Variants in NRXN1 observed in about 807,000 individuals in gnomAD.
NRXN1 encodes the protein neurexin-1.
NRXN1 carries 39 observed loss-of-function variants against 150.9 expected under a neutral mutation model. That is an observed-to-expected ratio of 0.26 (90% CI 0.20 to 0.34). The LOEUF (loss-of-function observed/expected upper bound fraction) is 0.34, where lower values mean the gene tolerates loss of function less well. Ranked by LOEUF, NRXN1 falls within the 10% of genes least tolerant of loss-of-function variation. The pLI is 1.00. For missense variants in NRXN1, 1,815 were observed against 1,949.9 expected, an observed-to-expected ratio of 0.93 and a Z score of 1.30; for synonymous variants, 924 against 757.0, an observed-to-expected ratio of 1.22 and a Z score of -3.62.
chr2:50,486,093 A>G (rs975378342), intron 15 of NRXN1, among the ~76,000 whole-genome samples: 2 of 152,194 alleles, frequency 1.3e-5, no homozygotes, highest in Non-Finnish European at 2.9e-5. Context: ...CGTGGTACAA[A>G]ACCTTAACAC....
At chr2:50,305,057 T>C (rs1014093919) in intron 17 of NRXN1, among the ~76,000 whole-genome samples, 1 of 152,078 alleles carries the variant, frequency 6.6e-6, no homozygotes, top group Non-Finnish European at 1.5e-5. Context: ...TCCACTGCAC[T>C]CCAGCCTGGG....
intron 10 of NRXN1, among the ~76,000 whole-genome samples, chr2:50,533,251 A>G (rs962862019): frequency 1.3e-5 from 2 of 152,126 alleles, no homozygotes; most frequent in African/African-American, 4.8e-5. Flanking sequence ...TCTAATATTT[A>G]TTAAGCGTTC....
chr2:50,861,969 A>C (rs773237346), intron 5 of NRXN1, among the ~76,000 whole-genome samples: 1 of 152,006 alleles, frequency 6.6e-6, no homozygotes, highest in Non-Finnish European at 1.5e-5. Flanking sequence ...TGGGAGGCTG[A>C]GGTGGGCAGA....
chr2:50,538,138 A>G (rs2093307078), intron 10 of NRXN1, 115 bp downstream of exon 10: 1 of 1,198,936 alleles, frequency 8.3e-7, no homozygotes, highest in Non-Finnish European at 1.1e-6. Context: ...GCTTGCAAAC[A>G]GAGTTTACTT....
chr2:49,936,530 T>G (rs1671059276), intron 22 of NRXN1, among the ~76,000 whole-genome samples: 1 of 152,152 alleles, frequency 6.6e-6, no homozygotes, highest in Admixed American at 6.5e-5. Flanking sequence ...TCTCCCCATT[T>G]TACAGACTAG....
chr2:50,142,766 C>T (rs79749955), intron 18 of NRXN1, among the ~76,000 whole-genome samples: 3,753 of 151,618 alleles, frequency 0.025, 148 homozygotes, highest in African/African-American at 0.086. Flanking sequence ...ATATTAAAAA[C>T]TGGAAATAAT....
At chr2:50,069,151 T>A (rs1558809048) in intron 19 of NRXN1, among the ~76,000 whole-genome samples, 1 of 152,218 alleles carries the variant, frequency 6.6e-6, no homozygotes, top group Non-Finnish European at 1.5e-5. Flanking sequence ...TGGATAGCAA[T>A]GAAGTCTTAA....
intron 17 of NRXN1, among the ~76,000 whole-genome samples, chr2:50,286,162 T>C (rs1264745051): frequency 6.6e-6 from 1 of 152,154 alleles, no homozygotes; most frequent in East Asian, 1.9e-4. Context: ...TCCACTGTCT[T>C]AGCATTTTTC....
At chr2:50,502,443 T>C (rs1573286090) in intron 13 of NRXN1, among the ~76,000 whole-genome samples, 2 of 151,230 alleles carry the variant, frequency 1.3e-5, no homozygotes, top group South Asian at 2.1e-4. Context: ...AGGGAATAAA[T>C]ACACACACAC....
intron 18 of NRXN1, among the ~76,000 whole-genome samples, chr2:50,137,886 A>G (rs994114107): frequency 6.6e-6 from 1 of 152,182 alleles, no homozygotes; most frequent in Non-Finnish European, 1.5e-5. Context: ...TTCAAGATGG[A>G]GCCTCACGTT....
chr2:49,988,656 A>T (rs1339079329), intron 21 of NRXN1, among the ~76,000 whole-genome samples: 1 of 150,422 alleles, frequency 6.6e-6, no homozygotes, highest in Admixed American at 6.7e-5. Flanking sequence ...AAGCCTGCCT[A>T]TTCACCTCTG....
intron 5 of NRXN1, among the ~76,000 whole-genome samples, chr2:50,845,899 C>T (rs1673576375): frequency 6.6e-6 from 1 of 152,160 alleles, no homozygotes; most frequent in Admixed American, 6.5e-5. Context: ...CTCACTTTGA[C>T]TGACAAAAGT....
At chr2:50,801,309 A>G (rs1393980560) in intron 5 of NRXN1, among the ~76,000 whole-genome samples, 1 of 152,164 alleles carries the variant, frequency 6.6e-6, no homozygotes, top group Non-Finnish European at 1.5e-5. Context: ...TACCTATGAC[A>G]AGTAGTATTG....
chr2:50,994,666 A>C (rs528366357), intron 2 of NRXN1, among the ~76,000 whole-genome samples: 1 of 152,196 alleles, frequency 6.6e-6, no homozygotes, highest in East Asian at 1.9e-4. Context: ...GCATCCAGAA[A>C]ATGTTCAATA....
intron 8 of NRXN1, among the ~76,000 whole-genome samples, chr2:50,569,133 G>A (rs1670286617): frequency 6.6e-6 from 1 of 151,974 alleles, no homozygotes; most frequent in Non-Finnish European, 1.5e-5. Context: ...TGGATACCGG[G>A]GCCTGGGAAG....
intron 18 of NRXN1, among the ~76,000 whole-genome samples, chr2:50,204,420 T>C (rs962593786): frequency 4.0e-5 from 6 of 151,608 alleles, no homozygotes; most frequent in African/African-American, 1.5e-4. Flanking sequence ...AGATACAAAA[T>C]GCTACCTTCC....
chr2:50,660,554 C>G lies in NRXN1; in HGVS notation c.833-36939G>C, dbSNP rs79617624. On this transcript the variant is annotated intron_variant, in intron 5 of 22. Coordinates refer to ENST00000401669, the MANE Select transcript of NRXN1 (RefSeq NM_001330078.2). ...TTTTAGAAGGGTGGCATTCTCCTAC[C>G]TTGAAACATCAAAACTCATCTAATG... 1.2e-4 allele frequency among the ~76,000 whole-genome samples: 19 copies of G among 152,132 alleles called. No homozygotes were observed. The East Asian group carries it at 3.5e-3, about 28-fold the overall frequency.
intron 15 of NRXN1, among the ~76,000 whole-genome samples, chr2:50,491,108 T>A (rs2091227868): frequency 6.6e-6 from 1 of 152,192 alleles, no homozygotes; most frequent in African/African-American, 2.4e-5. Flanking sequence ...TTAAACAAAG[T>A]ATCTGGGCAA....
At chr2:50,244,021 T>C (rs2066277374) in intron 17 of NRXN1, among the ~76,000 whole-genome samples, 1 of 151,876 alleles carries the variant, frequency 6.6e-6, no homozygotes, top group Non-Finnish European at 1.5e-5. Context: ...TGAATTTACC[T>C]CTACCTATTG....
Sources: gnomAD v4.1 joint callset for allele counts (sites outside exome capture counted in the v4.1 genomes callset) on GRCh38, gnomAD v4.1.1 for gene constraint, MANE v1.5 for transcripts, NCBI Gene and HGNC (gene_info 2026-07-23, HGNC 2026-07-21) for gene names.